The following EFNA5 variants were observed in gnomAD, a reference collection of about 807,000 sequenced individuals.
The protein encoded by EFNA5 is ephrin A5.
A neutral mutation model predicts 22.9 loss-of-function variants in EFNA5; 5 were observed. The ratio of observed to expected loss-of-function variants is 0.22; its 90% CI spans 0.11 to 0.46. EFNA5 has a LOEUF of 0.46. Among genes scored for constraint, EFNA5 ranks in the 20% least tolerant of loss-of-function variants. The pLI is 0.99. For missense variants in EFNA5, 237 were observed against 293.3 expected, an observed-to-expected ratio of 0.81 and a Z score of 1.40; for synonymous variants, 113 against 112.2, an observed-to-expected ratio of 1.01 and a Z score of -0.04.
chr5:107,663,006 A>G (rs1240951174), intron 1 of EFNA5, among the ~76,000 whole-genome samples: 1 of 152,104 alleles, frequency 6.6e-6, no homozygotes, highest in Non-Finnish European at 1.5e-5. Context: ...GGGTTTAAGC[A>G]TATTATTACT....
intron 1 of EFNA5, among the ~76,000 whole-genome samples, chr5:107,526,998 A>G: frequency 6.6e-6 from 1 of 152,336 alleles, no homozygotes; most frequent in African/African-American, 2.4e-5. Context: ...AACCAACCAT[A>G]TTAGCCACAA....
chr5:107,442,929 TAA>T (rs544741414), intron 1 of EFNA5, among the ~76,000 whole-genome samples: 234 of 82,324 alleles, frequency 2.8e-3, no homozygotes, highest in East Asian at 7.3e-3. Context: ...CCCCAGGTAC[TAA>T]AAAAAAAAAA....
Position 107,380,555 on chromosome 5 carries a change from C to A in EFNA5, c.*700G>T, listed in dbSNP as rs1242793939. On this transcript the variant is annotated 3_prime_UTR_variant, in exon 5 of 5. Transcript: ENST00000333274. ...TGTTTTCACACCTGCTCTGTATTAG[C>A]ATTCCACACCCAACCTGCCTCCTAG... 1.4e-5 allele frequency: 5 copies of A among 354,454 alleles called. No individual in the cohort carries two copies. Among genetic ancestry groups the A allele is most frequent in the African/African-American group, 8.5e-5 (4 of 47,034 alleles). 22.0% of individuals were successfully genotyped at this position (354,454 alleles called of 1,614,324 possible).
intron 1 of EFNA5, among the ~76,000 whole-genome samples, chr5:107,456,149 A>G (rs1382902247): frequency 6.6e-6 from 1 of 152,146 alleles, no homozygotes; most frequent in Admixed American, 6.6e-5. Context: ...GCTAATTAAG[A>G]GCTCTGGGGT....
chr5:107,525,333 A>G (rs1044177665), intron 1 of EFNA5, among the ~76,000 whole-genome samples: 3 of 152,152 alleles, frequency 2.0e-5, no homozygotes, highest in Non-Finnish European at 4.4e-5. Flanking sequence ...TATATTCAAT[A>G]TATGTTGCTG....
chr5:107,537,458 G>A (rs1162200071), intron 1 of EFNA5, among the ~76,000 whole-genome samples: 1 of 152,130 alleles, frequency 6.6e-6, no homozygotes, highest in African/African-American at 2.4e-5. Context: ...AATTAGCTGG[G>A]TGTGGTGGCG....
At chr5:107,577,815 T>C (rs1189434974) in intron 1 of EFNA5, among the ~76,000 whole-genome samples, 3 of 152,116 alleles carry the variant, frequency 2.0e-5, no homozygotes, top group African/African-American at 7.2e-5. Context: ...GGTCAAAAGT[T>C]TAATTATATC....
chr5:107,647,106 G>C lies in EFNA5; in HGVS notation c.125+23383C>G, dbSNP rs1309328941. 2.6e-5 allele frequency among the ~76,000 whole-genome samples: 4 copies of C among 152,068 alleles called. No individual in the cohort carries two copies. The South Asian group carries it at 6.2e-4, about 24-fold the overall frequency. ...ATCACCCTGACAATATAAAACACAAGAAAATGAAATATAGTTGATAAGATT... is the reference window on the plus strand; with the variant it reads ...ATCACCCTGACAATATAAAACACAACAAAATGAAATATAGTTGATAAGATT... On this transcript the variant is annotated intron_variant, in intron 1 of 4. Coordinates refer to ENST00000333274, the MANE Select transcript of EFNA5 (RefSeq NM_001962.3).
chr5:107,604,805 C>T (rs1383337223), intron 1 of EFNA5, among the ~76,000 whole-genome samples: 1 of 152,040 alleles, frequency 6.6e-6, no homozygotes, highest in Non-Finnish European at 1.5e-5. Context: ...CCCACTAGGT[C>T]AAAAATCACT....
At chr5:107,480,249 T>C (rs920359512) in intron 1 of EFNA5, among the ~76,000 whole-genome samples, 18 of 152,240 alleles carry the variant, frequency 1.2e-4, no homozygotes, top group Admixed American at 9.2e-4. Context: ...AATTTTTCCA[T>C]AAATCAATGT....
intron 1 of EFNA5, among the ~76,000 whole-genome samples, chr5:107,614,585 A>G (rs533042474): frequency 1.3e-5 from 2 of 152,230 alleles, no homozygotes; most frequent in East Asian, 3.9e-4. Context: ...ACACACACAT[A>G]CCATCTTTGA....
intron 1 of EFNA5, among the ~76,000 whole-genome samples, chr5:107,541,395 T>C (rs756755456): frequency 5.3e-5 from 8 of 152,222 alleles, no homozygotes; most frequent in Non-Finnish European, 7.3e-5. Flanking sequence ...ATGTTACACA[T>C]GATAAATGTT....
At chr5:107,411,150 G>A (rs1480976927) in intron 2 of EFNA5, among the ~76,000 whole-genome samples, 1 of 152,108 alleles carries the variant, frequency 6.6e-6, no homozygotes, top group Non-Finnish European at 1.5e-5. Context: ...AATATAAGTG[G>A]TAAATTGACC....
chr5:107,547,833 A>G (rs1748200821), intron 1 of EFNA5, among the ~76,000 whole-genome samples: 1 of 152,218 alleles, frequency 6.6e-6, no homozygotes, highest in African/African-American at 2.4e-5. Context: ...CTTTGGTAAA[A>G]TAGCTTAACT....
At chr5:107,652,209 A>C (rs1750748524) in intron 1 of EFNA5, among the ~76,000 whole-genome samples, 1 of 152,156 alleles carries the variant, frequency 6.6e-6, no homozygotes, top group African/African-American at 2.4e-5. Context: ...ACCCTGAATA[A>C]ACTACTTTCT....
intron 1 of EFNA5, among the ~76,000 whole-genome samples, chr5:107,471,746 A>G (rs2112386574): frequency 6.6e-6 from 1 of 152,364 alleles, no homozygotes; most frequent in East Asian, 1.9e-4. Context: ...ACAACAGCTG[A>G]AAAGATGTAT....
intron 1 of EFNA5, among the ~76,000 whole-genome samples, chr5:107,446,532 G>A (rs1413180942): frequency 6.6e-6 from 1 of 152,092 alleles, no homozygotes; most frequent in African/African-American, 2.4e-5. Flanking sequence ...GGCAGATCAC[G>A]AGATCAGGAG....
At chr5:107,390,155 T>C (rs998763932) in intron 2 of EFNA5, among the ~76,000 whole-genome samples, 1 of 152,156 alleles carries the variant, frequency 6.6e-6, no homozygotes, top group African/African-American at 2.4e-5. Context: ...ATTTAACACC[T>C]TGAAAAACAA....
chr5:107,452,012 G>A (rs1021326990), intron 1 of EFNA5, among the ~76,000 whole-genome samples: 18 of 152,086 alleles, frequency 1.2e-4, no homozygotes, highest in African/African-American at 4.3e-4. Context: ...AAGAAAATGT[G>A]GTACGTATAT....
Sources: gnomAD v4.1 joint callset for allele counts (sites outside exome capture counted in the v4.1 genomes callset) on GRCh38, gnomAD v4.1.1 for gene constraint, MANE v1.5 for transcripts, NCBI Gene and HGNC (gene_info 2026-07-23, HGNC 2026-07-21) for gene names.